NEMF: variants seen among roughly 807,000 people sequenced by gnomAD.
NEMF encodes ribosome quality control complex subunit NEMF.
A neutral mutation model predicts 162.2 loss-of-function variants in NEMF; 89 were observed. The observed-to-expected ratio is 0.55, with a 90% CI of 0.46 to 0.65. NEMF has a LOEUF of 0.65. Among genes scored for constraint, NEMF ranks in the 30% least tolerant of loss-of-function variants. The probability of loss-of-function intolerance (pLI) is 0.00; values close to 1 mark genes in which losing one functional copy is unlikely to be tolerated. For synonymous variants in NEMF, 421 were observed against 404.5 expected, an observed-to-expected ratio of 1.04 and a Z score of -0.49; for missense variants, 1,133 against 1,261.9, an observed-to-expected ratio of 0.90 and a Z score of 1.55.
At chr14:49,794,169 ATTCTAGCATTAAATATT>A (rs1333710819) in intron 26 of NEMF, among the ~76,000 whole-genome samples, 3 of 152,136 alleles carry the variant, frequency 2.0e-5, no homozygotes, top group African/African-American at 7.2e-5. Context: ...TGTTGTAAAA[ATTCTAGCATTAAATATT>A]TTACTACCTC....
chr14:49,820,534 C>T (rs1594769375), intron 16 of NEMF: 2 of 455,808 alleles, frequency 4.4e-6, no homozygotes, highest in East Asian at 7.0e-5. Flanking sequence ...TTTGGAAGGC[C>T]GAGGAGGGTG....
At chr14:49,829,477 G>T in intron 11 of NEMF, 51 bp from the exon 12 acceptor site, 1 of 1,412,784 alleles carries the variant, frequency 7.1e-7, no homozygotes, top group South Asian at 1.2e-5. Flanking sequence ...CCTACCTCAT[G>T]ACATCCCTCT....
chr14:49,810,077 TAA>T (rs1891401340), intron 18 of NEMF, among the ~76,000 whole-genome samples: 1 of 151,086 alleles, frequency 6.6e-6, no homozygotes, highest in African/African-American at 2.4e-5. Flanking sequence ...AATGTCTATT[TAA>T]AAAAAGAGGC....
rs565354122 is a variant in NEMF at position 49,843,984 on chromosome 14, A to G, written c.357+2156T>C. On this transcript the variant is annotated intron_variant, in intron 4 of 32. Transcript: ENST00000298310. ...CATGGTAGTACATGCCAGTAATACC[A>G]GCTACTCAGGAGGCTGAGGCACTAG... Among the ~76,000 whole-genome samples, 199 of 152,174 alleles carry G rather than the reference A, an allele frequency of 1.3e-3. 2 individuals are homozygous for G. The highest frequency in any genetic ancestry group is 2.1e-3 in the Non-Finnish European group (146 of 67,994).
chr14:49,836,682 C>T (rs1892921918), intron 6 of NEMF, among the ~76,000 whole-genome samples: 1 of 151,202 alleles, frequency 6.6e-6, no homozygotes, highest in African/African-American at 2.4e-5. Context: ...AATGCCAAAA[C>T]TCTTTTGAAA....
At chr14:49,837,816 A>T (rs574150825) in intron 6 of NEMF, among the ~76,000 whole-genome samples, 189 of 6,828 alleles carry the variant, frequency 0.028, no homozygotes, top group Middle Eastern at 0.083. Flanking sequence ...CCCACCAATT[A>T]AAAAAAAAAA....
chr14:49,786,620 T>TCTTA, intron 29 of NEMF, 98 bp downstream of exon 29: 1 of 1,197,648 alleles, frequency 8.3e-7, no homozygotes. Flanking sequence ...TGCAGTCTTG[T>TCTTA]CTTAGGTTTC....
chr14:49,852,712 G>A lies in NEMF; in HGVS notation c.42C>T (p.Leu14=). 6.2e-7 allele frequency: 1 copy of A among 1,614,246 alleles called. No individual in the cohort carries two copies. The highest frequency in any genetic ancestry group is 1.1e-5 in the South Asian group (1 of 91,084). The change falls in exon 1 of 33, where the codon CTC becomes CTT. Residue 14 remains leucine (L), a synonymous_variant. Transcript: ENST00000298310. ...TACTGTACCTAGCATTCAGCTCCGC[G>A]AGTACGGCGCGGAGGTCAATGGTGC... is the stretch of plus-strand genomic sequence containing the variant. ...RFSTIDLRAV[L]AELNASLLGM...
Position 49,788,548 on chromosome 14 carries a change from TTCTC to T in NEMF, c.2895+594_2895+597del, listed in dbSNP as rs200976130. Among the ~76,000 whole-genome samples the T allele has an allele frequency of 5.3e-4, 70 of 132,252 alleles. 1 individual carries two copies. Among genetic ancestry groups the T allele is most frequent in the African/African-American group, 1.9e-3 (67 of 35,404 alleles). The allele number at this position is 132,252 out of a possible 152,430, so 86.8% of individuals were successfully genotyped here. A position where few individuals can be genotyped will look rare whatever the true frequency, so the allele number is the denominator to read the frequency against. ...ACACATCTTCAAGACAATCCCAATT[TTCTC>T]TCTCTCTTTTTTTTTTTTTTTTTGA... On this transcript the variant is annotated intron_variant, in intron 28 of 32. Coordinates refer to ENST00000298310, the MANE Select transcript of NEMF (RefSeq NM_004713.6).
chr14:49,838,559 G>A (rs1176022846), intron 5 of NEMF, among the ~76,000 whole-genome samples: 1 of 150,032 alleles, frequency 6.7e-6, no homozygotes, highest in African/African-American at 2.4e-5. Context: ...ACCTAATTAA[G>A]CATCGAACAA....
intron 26 of NEMF, among the ~76,000 whole-genome samples, chr14:49,793,107 T>A (rs899501990): frequency 2.0e-5 from 3 of 152,144 alleles, no homozygotes; most frequent in African/African-American, 4.8e-5. Flanking sequence ...CCCGCAATGA[T>A]AAAATCTTAG....
At chr14:49,843,722 G>A (rs1893329277) in intron 4 of NEMF, among the ~76,000 whole-genome samples, 1 of 152,150 alleles carries the variant, frequency 6.6e-6, no homozygotes, top group South Asian at 2.1e-4. Context: ...GAATACTGTA[G>A]TCAACTGTAA....
intron 18 of NEMF, 92 bp from the exon 19 acceptor site, chr14:49,806,225 G>GATATGTGT: frequency 8.4e-6 from 2 of 238,232 alleles, no homozygotes; most frequent in East Asian, 9.8e-5. Flanking sequence ...CAGGGTCAAT[G>GATATGTGT]ATATGTGTAT....
Position 49,799,207 on chromosome 14 carries a change from C to CAAAAAAAAA in NEMF, c.2465+259_2465+267dup, listed in dbSNP as rs780442972. On this transcript the variant is annotated intron_variant, in intron 25 of 32. Transcript: ENST00000298310. ...TGGGCAACAAAGCGAGACCCTGTTT[C>CAAAAAAAAA]AAAAAAAAAAAAAAAAAAAAAAAAA... Among the ~76,000 whole-genome samples, 68 of 59,054 alleles carry CAAAAAAAAA rather than the reference C, an allele frequency of 1.2e-3. 4 individuals are homozygous for CAAAAAAAAA. The highest frequency in any genetic ancestry group is 4.8e-3 in the Admixed American group (14 of 2,902). The allele number at this position is 59,054 out of a possible 152,430, so 38.7% of individuals were successfully genotyped here.
intron 15 of NEMF, among the ~76,000 whole-genome samples, chr14:49,827,042 A>G (rs74048793): frequency 0.038 from 5,846 of 152,204 alleles, 395 homozygotes; most frequent in African/African-American, 0.13. Context: ...TGTAGCCAGA[A>G]AGAGTGTATG....
intron 16 of NEMF, among the ~76,000 whole-genome samples, chr14:49,821,897 A>T (rs922779931): frequency 7.2e-5 from 11 of 152,098 alleles, no homozygotes; most frequent in Non-Finnish European, 1.5e-4. Flanking sequence ...AGATTGAGAA[A>T]TTGGATGGTT....
intron 3 of NEMF, among the ~76,000 whole-genome samples, chr14:49,850,132 T>A (rs1893700986): frequency 6.6e-6 from 1 of 152,152 alleles, no homozygotes; most frequent in Non-Finnish European, 1.5e-5. Flanking sequence ...AGATGGAGTC[T>A]CGCTCTGTCG....
intron 18 of NEMF, among the ~76,000 whole-genome samples, chr14:49,808,426 C>T (rs756122414): frequency 2.7e-4 from 41 of 152,124 alleles, no homozygotes; most frequent in Admixed American, 1.6e-3. Flanking sequence ...CCACCTGCCT[C>T]GGCCTCCCAA....
chr14:49,791,142 T>C (rs1890424104), intron 26 of NEMF, among the ~76,000 whole-genome samples: 1 of 151,362 alleles, frequency 6.6e-6, no homozygotes, highest in Non-Finnish European at 1.5e-5. Context: ...GAGACCATCC[T>C]GGCCAACATA....
Sources: gnomAD v4.1 joint callset for allele counts (sites outside exome capture counted in the v4.1 genomes callset) on GRCh38, gnomAD v4.1.1 for gene constraint, MANE v1.5 for transcripts, NCBI Gene and HGNC (gene_info 2026-07-23, HGNC 2026-07-21) for gene names.